The following ABL1 variants were observed in gnomAD, a reference collection of about 807,000 sequenced individuals.
The protein encoded by ABL1 is tyrosine-protein kinase ABL1.
A neutral mutation model predicts 94.7 loss-of-function variants in ABL1; 11 were observed. The ratio of observed to expected loss-of-function variants is 0.12; its 90% confidence interval spans 0.07 to 0.19. The LOEUF (loss-of-function observed/expected upper bound fraction) is 0.19. ABL1 is among the 10% of genes least tolerant of loss of function. The pLI is 1.00. For synonymous variants in ABL1, 656 were observed against 622.4 expected, an observed-to-expected ratio of 1.05 and a Z score of -0.80; for missense variants, 1,082 against 1,489.4, an observed-to-expected ratio of 0.73 and a Z score of 4.50.
At chr9:130,809,463 T>C (rs1048043307) in intron 1 of ABL1, among the ~76,000 whole-genome samples, 1 of 149,878 alleles carries the variant, frequency 6.7e-6, no homozygotes, top group African/African-American at 2.5e-5. Context: ...AAGAAATTTA[T>C]TGTAAGGAAT....
At chr9:130,766,909 G>A (rs868825692) in intron 1 of ABL1, among the ~76,000 whole-genome samples, 6 of 152,068 alleles carry the variant, frequency 3.9e-5, no homozygotes, top group South Asian at 2.1e-4. Context: ...CCTGTCCCTC[G>A]ATGGGTACCC....
At chr9:130,858,460 G>T (rs1831010116) in intron 3 of ABL1, among the ~76,000 whole-genome samples, 1 of 152,012 alleles carries the variant, frequency 6.6e-6, no homozygotes, top group African/African-American at 2.4e-5. Flanking sequence ...TCCCCGTCTG[G>T]CACAGACTCT....
chr9:130,782,262 T>C (rs1829766137), intron 1 of ABL1, among the ~76,000 whole-genome samples: 1 of 152,206 alleles, frequency 6.6e-6, no homozygotes, highest in Non-Finnish European at 1.5e-5. Context: ...GGTTTTGCTA[T>C]GTTGGTCAGG....
At chr9:130,754,120 C>T (rs1388112838) in intron 1 of ABL1, among the ~76,000 whole-genome samples, 6 of 145,262 alleles carry the variant, frequency 4.1e-5, no homozygotes. Flanking sequence ...GCAGGAGAAT[C>T]GCTTGAACCC....
intron 1 of ABL1, among the ~76,000 whole-genome samples, chr9:130,786,309 G>A (rs2132797102): frequency 6.6e-6 from 1 of 152,330 alleles, no homozygotes; most frequent in South Asian, 2.1e-4. Context: ...GGCTCTGTGT[G>A]TGAGAGTTAG....
chr9:130,830,356 T>C (rs987197974), upstream of ABL1, among the ~76,000 whole-genome samples: 3 of 152,222 alleles, frequency 2.0e-5, no homozygotes, highest in African/African-American at 7.2e-5. Flanking sequence ...CTGTGCAGCC[T>C]GTGCATGAAA....
At chr9:130,804,545 T>C (rs7862723) in intron 1 of ABL1, among the ~76,000 whole-genome samples, 2,446 of 152,198 alleles carry the variant, frequency 0.016, 58 homozygotes, top group African/African-American at 0.054. Context: ...GATCGCGCCA[T>C]TGCACTCCAG....
chr9:130,780,373 A>C (rs1259065881), intron 1 of ABL1, among the ~76,000 whole-genome samples: 1 of 152,192 alleles, frequency 6.6e-6, no homozygotes, highest in Non-Finnish European at 1.5e-5. Flanking sequence ...TTTTAGGAAG[A>C]AGCCATACGG....
chr9:130,781,263 C>A (rs940275502), intron 1 of ABL1, among the ~76,000 whole-genome samples: 2 of 152,110 alleles, frequency 1.3e-5, no homozygotes, highest in African/African-American at 2.4e-5. Flanking sequence ...CTTTGCTTTT[C>A]CCATTTAGCC....
chr9:130,720,239 T>C (rs1831498486), intron 1 of ABL1, among the ~76,000 whole-genome samples: 1 of 152,144 alleles, frequency 6.6e-6, no homozygotes, highest in Admixed American at 6.6e-5. Flanking sequence ...AAAATACAGA[T>C]ATGTTAGTGA....
At chr9:130,870,853 C>T (rs1423098125) in intron 4 of ABL1, among the ~76,000 whole-genome samples, 3 of 152,134 alleles carry the variant, frequency 2.0e-5, no homozygotes, top group Non-Finnish European at 4.4e-5. Context: ...TCATTGGTCA[C>T]GCTTCACTTG....
chr9:130,757,298 T>A (rs962896595), intron 1 of ABL1, among the ~76,000 whole-genome samples: 3 of 152,242 alleles, frequency 2.0e-5, no homozygotes, highest in East Asian at 3.9e-4. Context: ...CAGTGGCTCA[T>A]GTCTGTAATC....
intron 1 of ABL1, among the ~76,000 whole-genome samples, chr9:130,744,070 CT>C (rs879639788): frequency 0.015 from 2,204 of 147,492 alleles, 23 homozygotes; most frequent in Middle Eastern, 0.032. Flanking sequence ...CATTTATTAA[CT>C]TTTTTTTTTT....
At chr9:130,783,660 TTTTTG>T (rs1025242254) in intron 1 of ABL1, among the ~76,000 whole-genome samples, 2 of 151,972 alleles carry the variant, frequency 1.3e-5, no homozygotes, top group African/African-American at 4.8e-5. Flanking sequence ...GTTTGTTTGT[TTTTTG>T]TTTTTTTTGT....
chr9:130,743,011 C>T (rs561190708), intron 1 of ABL1, among the ~76,000 whole-genome samples: 49 of 152,090 alleles, frequency 3.2e-4, no homozygotes, highest in African/African-American at 3.1e-4. Flanking sequence ...TTTGCTTCAC[C>T]GTTTTTTTAA....
Position 130,718,489 on chromosome 9 carries a change from C to A in ABL1, c.136+4034C>A, listed in dbSNP as rs529672001. Among the ~76,000 whole-genome samples, 6 of 152,072 alleles carry A rather than the reference C, an allele frequency of 3.9e-5. No homozygotes were observed. In the South Asian group the frequency reaches 1.0e-3, roughly 26 times the overall value. On this transcript the variant is annotated intron_variant, in intron 1 of 10. Coordinates refer to the ABL1 transcript ENST00000372348. Reference sequence around the variant, plus strand: ...AATTATGTTTTTAAATTTCAGTATTCATTTCTAATGTGGTAACTATTGATG... The same window carrying A: ...AATTATGTTTTTAAATTTCAGTATTAATTTCTAATGTGGTAACTATTGATG...
In ABL1 at chr9:130,769,329, C is replaced by CTTTTTTTTTTTTTTTTTTTTT. The variant is rs372838676; in HGVS notation, c.136+54876_136+54896dup. On this transcript the variant is annotated intron_variant, in intron 1 of 10. Coordinates refer to the ABL1 transcript ENST00000372348. The stretch of plus-strand genomic sequence containing the variant: ...TGGAGAGCCAAACTATGGCCCTAGT[C>CTTTTTTTTTTTTTTTTTTTTT]TTTTTTTTTTTTTTTTTTTTTTGAG... Among the ~76,000 whole-genome samples, 22 of 84,320 alleles carry CTTTTTTTTTTTTTTTTTTTTT rather than the reference C, an allele frequency of 2.6e-4. 2 individuals carry two copies. Among genetic ancestry groups the CTTTTTTTTTTTTTTTTTTTTT allele is most frequent in the Admixed American group, 5.9e-4 (4 of 6,798 alleles). 55.3% of individuals were successfully genotyped at this position (84,320 alleles called of 152,430 possible). A position where few individuals can be genotyped will look rare whatever the true frequency, so the allele number is the denominator to read the frequency against.
chr9:130,751,400 C>T lies in ABL1; in HGVS notation c.136+36945C>T, dbSNP rs186233223. ...TCAGGTGATCCACCTGCCTTGGCCTCCCAAAGTGCTGGGATTACAGGCATG... is the reference window on the plus strand; with the variant it reads ...TCAGGTGATCCACCTGCCTTGGCCTTCCAAAGTGCTGGGATTACAGGCATG... On this transcript the variant is annotated intron_variant, in intron 1 of 10. Coordinates refer to the ABL1 transcript ENST00000372348. Among the ~76,000 whole-genome samples, 1,474 of 152,150 alleles carry T rather than the reference C, an allele frequency of 9.7e-3. 30 individuals are homozygous for T. Among genetic ancestry groups the T allele is most frequent in the African/African-American group, 0.033 (1,379 of 41,510 alleles).
At position 130,878,397 on chromosome 9, in the gene ABL1, CT is replaced by C. The variant is rs1479138391; in HGVS notation, c.1271-15del. 1 of 1,613,376 alleles carries C rather than the reference CT, an allele frequency of 6.2e-7. No individual in the cohort carries two copies. The highest frequency in any genetic ancestry group is 2.2e-5 in the East Asian group (1 of 44,868). On this transcript the variant is annotated splice_polypyrimidine_tract_variant and intron_variant, in intron 7 of 10. Coordinates refer to ENST00000318560, the MANE Select transcript of ABL1 (RefSeq NM_005157.6). Reference sequence around the variant, plus strand: ...GCTACACATCTTGAACAGCCTTTCTCTTTCGGTTTTCTTTCAGCATTTGGAG... The same window carrying C: ...GCTACACATCTTGAACAGCCTTTCTCTTCGGTTTTCTTTCAGCATTTGGAG...
Sources: gnomAD v4.1 joint callset for allele counts (sites outside exome capture counted in the v4.1 genomes callset) on GRCh38, gnomAD v4.1.1 for gene constraint, MANE v1.5 for transcripts, NCBI Gene and HGNC (gene_info 2026-07-23, HGNC 2026-07-21) for gene names.